GPR149: variants seen among roughly 807,000 people sequenced by gnomAD.
The protein encoded by GPR149 is probable G protein-coupled receptor 149.
GPR149 carries 50 observed loss-of-function variants against 50.2 expected under a neutral mutation model. The ratio of observed to expected loss-of-function variants is 1.00; its 90% CI spans 0.79 to 1.26. GPR149 has a LOEUF of 1.26. GPR149 is among the 50% of genes most tolerant of loss of function. The probability of loss-of-function intolerance (pLI) is 0.00; values close to 1 mark genes in which losing one functional copy is unlikely to be tolerated. For missense variants in GPR149, 983 were observed against 895.4 expected (o/e 1.10, Z -1.25); for synonymous variants, 405 against 358.2 (o/e 1.13, Z -1.48).
At chr3:154,346,773 T>A (rs896949441) in intron 3 of GPR149, among the ~76,000 whole-genome samples, 1 of 152,078 alleles carries the variant, frequency 6.6e-6, no homozygotes, top group Non-Finnish European at 1.5e-5. Flanking sequence ...ATTTTTGTAT[T>A]TTTAGTAGAT....
At chr3:154,341,341 A>ATATATATATATATATATAT (rs1713796570) in intron 3 of GPR149, among the ~76,000 whole-genome samples, 1 of 121,438 alleles carries the variant, frequency 8.2e-6, no homozygotes, top group African/African-American at 3.0e-5. Flanking sequence ...ATATATATAT[A>ATATATATATATATATATAT]AAATGAGTAG....
Position 154,415,908 on chromosome 3 carries a change from A to G in GPR149, c.1623+5131T>C, listed in dbSNP as rs115096066. Reference sequence around the variant, plus strand: ...AAATGGATGTAGTCAAAAATAAAGTATATTCCAGATGATTATTTTTGTTAA... The same window carrying G: ...AAATGGATGTAGTCAAAAATAAAGTGTATTCCAGATGATTATTTTTGTTAA... On this transcript the variant is annotated intron_variant, in intron 3 of 3. Coordinates refer to ENST00000389740, the MANE Select transcript of GPR149 (RefSeq NM_001038705.3). Among the ~76,000 whole-genome samples, 1,510 of 152,040 alleles carry G rather than the reference A, an allele frequency of 9.9e-3. 13 individuals are homozygous for G. The highest frequency in any genetic ancestry group is 0.029 in the South Asian group (140 of 4,832).
chr3:154,400,780 G>T (rs552607562), intron 3 of GPR149, among the ~76,000 whole-genome samples: 3 of 152,206 alleles, frequency 2.0e-5, no homozygotes, highest in Non-Finnish European at 4.4e-5. Context: ...ATTTGAAGGC[G>T]ATTTAAAGCT....
At chr3:154,395,396 G>A (rs1715266356) in intron 3 of GPR149, among the ~76,000 whole-genome samples, 1 of 147,826 alleles carries the variant, frequency 6.8e-6, no homozygotes, top group South Asian at 2.1e-4. Context: ...ATATCTAAAT[G>A]TAAACAAAAT....
At chr3:154,383,434 G>GTATTTC (rs1405138098) in intron 3 of GPR149, among the ~76,000 whole-genome samples, 1 of 152,184 alleles carries the variant, frequency 6.6e-6, no homozygotes, top group Non-Finnish European at 1.5e-5. Flanking sequence ...GAAGGAAGCA[G>GTATTTC]TATTTCTATT....
chr3:154,409,367 A>C (rs1711776914), intron 3 of GPR149, among the ~76,000 whole-genome samples: 1 of 152,192 alleles, frequency 6.6e-6, no homozygotes, highest in Admixed American at 6.5e-5. Flanking sequence ...CAGTAGATCC[A>C]AACCAAGACA....
At chr3:154,395,430 G>A (rs1443960164) in intron 3 of GPR149, among the ~76,000 whole-genome samples, 1 of 133,832 alleles carries the variant, frequency 7.5e-6, no homozygotes, top group Non-Finnish European at 1.6e-5. Flanking sequence ...CACAATATAT[G>A]TAAAATTATA....
intron 3 of GPR149, among the ~76,000 whole-genome samples, chr3:154,397,979 T>C (rs1232892012): frequency 1.3e-5 from 2 of 152,192 alleles, no homozygotes; most frequent in African/African-American, 4.8e-5. Context: ...GGTAGTTGTA[T>C]GGAAATTACA....
At chr3:154,409,852 G>A (rs1711787679) in intron 3 of GPR149, among the ~76,000 whole-genome samples, 1 of 152,166 alleles carries the variant, frequency 6.6e-6, no homozygotes, top group African/African-American at 2.4e-5. Flanking sequence ...CTAGACATCT[G>A]GACATCCAAA....
rs1553765299 is a variant in GPR149, at chr3:154,388,869, A to ACAC, written c.1623+32169_1623+32170insGTG. ...TTATGGTAACATTTCACACATATGAAAAACACACACACACACACACACACA... is the reference window on the plus strand; with the variant it reads ...TTATGGTAACATTTCACACATATGAACACAAACACACACACACACACACACACA... On this transcript the variant is annotated intron_variant, in intron 3 of 3. Transcript: ENST00000389740. 4.1e-5 allele frequency among the ~76,000 whole-genome samples: 5 copies of ACAC among 121,438 alleles called. No individual in the cohort carries two copies. The East Asian group carries it at 1.5e-3, about 37-fold the overall frequency. The allele number at this position is 121,438 out of a possible 152,430, so 79.7% of individuals were successfully genotyped here. A position where few individuals can be genotyped will look rare whatever the true frequency, so the allele number is the denominator to read the frequency against.
At position 154,421,494 on chromosome 3, in the gene GPR149, A is replaced by G; in HGVS notation, c.1175-7T>C. On this transcript the variant is annotated splice_region_variant and splice_polypyrimidine_tract_variant and intron_variant, in intron 2 of 3. Coordinates refer to ENST00000389740, the MANE Select transcript of GPR149 (RefSeq NM_001038705.3). ...TCAAAGCCTTTTCTCTTGACTGAGT[A>G]AAAATAAAAACAACAGTTTATGGCT... 1.3e-6 allele frequency: 2 copies of G among 1,483,814 alleles called. No individual in the cohort carries two copies. The highest frequency in any genetic ancestry group is 1.4e-5 in the African/African-American group (1 of 71,172). The allele number at this position is 1,483,814 out of a possible 1,614,324, so 91.9% of individuals were successfully genotyped here. A position where few individuals can be genotyped will look rare whatever the true frequency, so the allele number is the denominator to read the frequency against.
rs780544896 is a variant in GPR149 at position 154,421,406 on chromosome 3, T to C, written c.1256A>G (p.Asp419Gly). ...ATAGAATATGGAATTTTCATCATCA[T>C]CATAGTAATCTTCATGTGCTATTTT... ...IYKIAHEDYY[D>G]DDENSIFYHN... Residue 419 changes from aspartate (D) to glycine (G), a missense_variant, in exon 3 of 4, where the codon GAT becomes GGT. Coordinates refer to ENST00000389740, the MANE Select transcript of GPR149 (RefSeq NM_001038705.3). The C allele has an allele frequency of 2.5e-6, 4 of 1,610,846 alleles. No homozygotes were observed. Among genetic ancestry groups the C allele is most frequent in the Non-Finnish European group, 3.4e-6 (4 of 1,177,946 alleles).
intron 3 of GPR149, 141 bp downstream of exon 3, chr3:154,420,898 T>G (rs1162798536): frequency 1.6e-6 from 1 of 643,910 alleles, no homozygotes; most frequent in Non-Finnish European, 2.7e-6. Flanking sequence ...TGAAATAAAA[T>G]TAAATAGCAT....
In GPR149 at chr3:154,382,997, C is replaced by T. The variant is rs567294050; in HGVS notation, c.1623+38042G>A. 3.3e-5 allele frequency among the ~76,000 whole-genome samples: 5 copies of T among 152,018 alleles called. No individual in the cohort carries two copies. The East Asian group carries it at 5.8e-4, about 18-fold the overall frequency. On this transcript the variant is annotated intron_variant, in intron 3 of 3. Coordinates refer to ENST00000389740, the MANE Select transcript of GPR149 (RefSeq NM_001038705.3). The stretch of plus-strand genomic sequence containing the variant: ...GGATGAGGGTGGTGGGATCTGGAAA[C>T]AATACAGAATGGCTCTCGTTGAGAA...
chr3:154,339,779 CTTTTTTTTTTTTTTTTT>C (rs71152802), intron 3 of GPR149, among the ~76,000 whole-genome samples: 3 of 68,306 alleles, frequency 4.4e-5, no homozygotes, highest in African/African-American at 2.0e-4. Context: ...TGCTCTACTT[CTTTTTTTTTTTTTTTTT>C]TTTTTTTTTT....
intron 2 of GPR149, among the ~76,000 whole-genome samples, chr3:154,427,114 T>C (rs572790477): frequency 2.0e-4 from 30 of 152,306 alleles, no homozygotes; most frequent in African/African-American, 7.2e-4. Context: ...ATAATCCTTT[T>C]TCAAATGCAA....
At chr3:154,371,437 G>T (rs1027118282) in intron 3 of GPR149, among the ~76,000 whole-genome samples, 4 of 152,078 alleles carry the variant, frequency 2.6e-5, no homozygotes, top group African/African-American at 7.2e-5. Flanking sequence ...AGCCCTTATT[G>T]TCCCTTTTAT....
intron 3 of GPR149, chr3:154,354,757 G>T: frequency 2.7e-6 from 2 of 727,456 alleles, no homozygotes; most frequent in Non-Finnish European, 4.1e-6. Flanking sequence ...CTCCAAGGGT[G>T]TTTTCAGCTC....
At chr3:154,360,725 T>G (rs1275778320) in intron 3 of GPR149, among the ~76,000 whole-genome samples, 1 of 152,168 alleles carries the variant, frequency 6.6e-6, no homozygotes, top group Admixed American at 6.5e-5. Flanking sequence ...CATCCAAACA[T>G]CCATTCATTA....
Sources: gnomAD v4.1 joint callset for allele counts (sites outside exome capture counted in the v4.1 genomes callset) on GRCh38, gnomAD v4.1.1 for gene constraint, MANE v1.5 for transcripts, NCBI Gene and HGNC (gene_info 2026-07-23, HGNC 2026-07-21) for gene names.